The following ATL1 variants were observed in gnomAD, a reference collection of about 807,000 sequenced individuals.
ATL1 encodes atlastin-1.
Under a neutral mutation model 75.5 loss-of-function variants are expected in ATL1, and 31 were observed. The observed-to-expected ratio is 0.41, with a 90% CI of 0.31 to 0.55. ATL1 has a LOEUF of 0.55. Ranked by LOEUF, ATL1 falls within the 20% of genes least tolerant of loss-of-function variation. The pLI is 0.27. For missense variants in ATL1, 405 were observed against 662.6 expected (o/e 0.61, Z 4.27); for synonymous variants, 226 against 233.3 (o/e 0.97, Z 0.28).
chr14:50,543,237 T>C (rs1480171080), intron 1 of ATL1, among the ~76,000 whole-genome samples: 1 of 152,220 alleles, frequency 6.6e-6, no homozygotes, highest in Admixed American at 6.5e-5. Flanking sequence ...TTACTGCCAC[T>C]ATGGAGTGAT....
chr14:50,549,671 C>A (rs751584349), intron 1 of ATL1, among the ~76,000 whole-genome samples: 5 of 152,202 alleles, frequency 3.3e-5, no homozygotes, highest in Non-Finnish European at 7.3e-5. Context: ...AGCTCCCATT[C>A]ATGGGCCACG....
chr14:50,556,123 A>C (rs1398988372), upstream of ATL1, among the ~76,000 whole-genome samples: 1 of 152,232 alleles, frequency 6.6e-6, no homozygotes, highest in East Asian at 1.9e-4. Context: ...ATTCTGATTT[A>C]AAATGAACTT....
chr14:50,538,062 C>T (rs1330643662), intron 1 of ATL1, among the ~76,000 whole-genome samples: 1 of 152,158 alleles, frequency 6.6e-6, no homozygotes, highest in Non-Finnish European at 1.5e-5. Context: ...TGCCCACCCA[C>T]ATCTCATCTT....
rs1442895093 is a variant in ATL1 at position 50,632,540 on chromosome 14, CAT to C, written c.*202_*203del. The C allele has an allele frequency of 4.7e-5, 21 of 450,066 alleles. No homozygotes were observed. The East Asian group carries it at 8.6e-4, about 18-fold the overall frequency. The allele number at this position is 450,066 out of a possible 1,614,324, so 27.9% of individuals were successfully genotyped here. ...ATGCATGGTTATACTATTTTGTTAA[CAT>C]GTACAATTTCCTGATTTTTCTTCAA... On this transcript the variant is annotated 3_prime_UTR_variant, in exon 14 of 14. Coordinates refer to ENST00000358385, the MANE Select transcript of ATL1 (RefSeq NM_015915.5).
intron 6 of ATL1, among the ~76,000 whole-genome samples, chr14:50,601,693 C>T (rs2039273430): frequency 6.6e-6 from 1 of 152,148 alleles, no homozygotes; most frequent in Non-Finnish European, 1.5e-5. Flanking sequence ...ATTTTCTCAC[C>T]TGTTTTGCTC....
chr14:50,557,142 C>T (rs1215633621), upstream of ATL1, among the ~76,000 whole-genome samples: 1 of 152,184 alleles, frequency 6.6e-6, no homozygotes, highest in Non-Finnish European at 1.5e-5. Flanking sequence ...CACATCTCAC[C>T]AACACTTGTT....
At chr14:50,568,540 A>G (rs1254271086) in intron 1 of ATL1, among the ~76,000 whole-genome samples, 1 of 152,094 alleles carries the variant, frequency 6.6e-6, no homozygotes, top group Non-Finnish European at 1.5e-5. Flanking sequence ...CCACCCTACC[A>G]CTTTCAATCT....
intron 6 of ATL1, among the ~76,000 whole-genome samples, chr14:50,597,698 AT>A (rs1014895680): frequency 6.6e-6 from 1 of 151,796 alleles, no homozygotes; most frequent in African/African-American, 2.4e-5. Flanking sequence ...AATAGTGTTT[AT>A]TTTTTTTCTT....
At chr14:50,620,492 C>A in intron 8 of ATL1, 107 bp from the exon 9 acceptor site, 1 of 1,177,876 alleles carries the variant, frequency 8.5e-7, no homozygotes. Context: ...TGAGTGATGG[C>A]ATTATCACTG....
In ATL1 at chr14:50,560,471, G is replaced by A. The variant is rs2038824565; in HGVS notation, c.34+172G>A. 12 of 867,572 alleles carry A rather than the reference G, an allele frequency of 1.4e-5. No homozygotes were observed. In the South Asian group the frequency reaches 1.9e-4, roughly 14 times the overall value. 53.7% of individuals were successfully genotyped at this position (867,572 alleles called of 1,614,324 possible). ...TGGGCGGAGGAACCATGGCCGAGCG[G>A]TACCCGCGTCACCGAATCGCGCTGT... is the stretch of plus-strand genomic sequence containing the variant. On this transcript the variant is annotated intron_variant, in intron 1 of 13. Transcript: ENST00000358385.
At chr14:50,632,174 T>G in intron 13 of ATL1, 55 bp from the exon 14 acceptor site, 1 of 1,342,500 alleles carries the variant, frequency 7.4e-7, no homozygotes, top group Non-Finnish European at 1.0e-6. Flanking sequence ...AAGGAAAAAA[T>G]TTTACATCTG....
intron 1 of ATL1, among the ~76,000 whole-genome samples, chr14:50,538,021 GC>G (rs1301599523): frequency 1.3e-5 from 2 of 152,170 alleles, no homozygotes; most frequent in African/African-American, 4.8e-5. Flanking sequence ...TTTGGGAGGG[GC>G]CGGGGGCAGA....
chr14:50,608,917 G>A (rs889247666), intron 6 of ATL1, among the ~76,000 whole-genome samples: 1 of 151,982 alleles, frequency 6.6e-6, no homozygotes, highest in African/African-American at 2.4e-5. Flanking sequence ...AAAGAGGGTG[G>A]ATGTGGGTAT....
intron 6 of ATL1, among the ~76,000 whole-genome samples, chr14:50,596,576 T>G (rs977548763): frequency 6.6e-6 from 1 of 152,222 alleles, no homozygotes; most frequent in Non-Finnish European, 1.5e-5. Flanking sequence ...TACCACATAT[T>G]AAGCCACAAA....
chr14:50,553,533 AAC>A (rs2140163492), intron 1 of ATL1, among the ~76,000 whole-genome samples: 2 of 152,296 alleles, frequency 1.3e-5, no homozygotes, highest in Admixed American at 1.3e-4. Context: ...CACTACGGAA[AAC>A]AGTATGGATA....
intron 11 of ATL1, 22 bp from the exon 12 acceptor site, chr14:50,628,003 TAAACAA>T: frequency 2.5e-6 from 4 of 1,613,458 alleles, no homozygotes; most frequent in Non-Finnish European, 3.4e-6. Flanking sequence ...CTGCATTGCA[TAAACAA>T]ATACTTCTCT....
intron 6 of ATL1, among the ~76,000 whole-genome samples, chr14:50,602,705 T>C (rs903048053): frequency 1.3e-5 from 2 of 152,226 alleles, no homozygotes; most frequent in Non-Finnish European, 2.9e-5. Context: ...GTCCTGAATA[T>C]ATTTGATGAT....
chr14:50,631,165 C>T, intron 13 of ATL1: 2 of 209,640 alleles, frequency 9.5e-6, no homozygotes, highest in Non-Finnish European at 1.9e-5. Context: ...GAGGCTGAGG[C>T]AAGAGAATAG....
chr14:50,535,260 C>G (rs537574527), intron 1 of ATL1, among the ~76,000 whole-genome samples: 9 of 152,250 alleles, frequency 5.9e-5, no homozygotes, highest in African/African-American at 2.2e-4. Context: ...TTAGCCAAGG[C>G]TGAATAAAAA....
Sources: gnomAD v4.1 joint callset for allele counts (sites outside exome capture counted in the v4.1 genomes callset) on GRCh38, gnomAD v4.1.1 for gene constraint, MANE v1.5 for transcripts, NCBI Gene and HGNC (gene_info 2026-07-23, HGNC 2026-07-21) for gene names.